Variants in VEZF1 observed in about 807,000 individuals in gnomAD.
VEZF1 encodes the protein vascular endothelial zinc finger 1.
In VEZF1, 5 loss-of-function variants were observed where a neutral mutation model predicts 44.1. The observed-to-expected ratio is 0.11, with a 90% CI of 0.06 to 0.24. The LOEUF (loss-of-function observed/expected upper bound fraction) is 0.24, where lower values mean the gene tolerates loss of function less well. Ranked by LOEUF, VEZF1 falls within the 10% of genes least tolerant of loss-of-function variation. The probability of loss-of-function intolerance (pLI) is 1.00; values close to 1 mark genes in which losing one functional copy is unlikely to be tolerated. For synonymous variants in VEZF1, 236 were observed against 233.1 expected (o/e 1.01, Z -0.11); for missense variants, 358 against 641.8 (o/e 0.56, Z 4.78).
rs11359148 is a variant in VEZF1 at position 57,979,970 on chromosome 17, C to CAAA, written c.976+630_976+632dup. Among the ~76,000 whole-genome samples the CAAA allele has an allele frequency of 2.1e-3, 144 of 68,208 alleles. 1 individual carries two copies. The highest frequency in any genetic ancestry group is 4.7e-3 in the East Asian group (8 of 1,694). 44.7% of individuals were successfully genotyped at this position (68,208 alleles called of 152,430 possible). A position where few individuals can be genotyped will look rare whatever the true frequency, so the allele number is the denominator to read the frequency against. Reference sequence around the variant, plus strand: ...GGGCAACAGTGTGAAGACTCCGTCTCAAAAAAAAAAAAAAAAAAAAACAAA... The same window carrying CAAA: ...GGGCAACAGTGTGAAGACTCCGTCTCAAAAAAAAAAAAAAAAAAAAAAAACAAA... On this transcript the variant is annotated intron_variant, in intron 4 of 5. Transcript: ENST00000581208.
chr17:57,988,054 GC>G (rs773335236), intron 1 of VEZF1, 24 bp downstream of exon 1: 24 of 303,552 alleles, frequency 7.9e-5, no homozygotes, highest in East Asian at 2.0e-4. Context: ...TCCCCCCCGT[GC>G]CCCCCCGGGG....
In VEZF1 at chr17:57,974,785, C is replaced by T. The variant is rs200725682; in HGVS notation, c.1254G>A (p.Val418=). 1.2e-6 allele frequency: 2 copies of T among 1,614,094 alleles called. No individual in the cohort carries two copies. Among genetic ancestry groups the T allele is most frequent in the African/African-American group, 1.3e-5 (1 of 75,006 alleles). Residue 418 remains valine, a synonymous_variant, in exon 6 of 6, where the codon GTG becomes GTA. Transcript: ENST00000581208. Reference sequence around the variant, plus strand: ...GACTTCTCATGCTCATTGCAGCTGCCACTGTGACTGGGTTTGACATAGTCC... The same window carrying T: ...GACTTCTCATGCTCATTGCAGCTGCTACTGTGACTGGGTTTGACATAGTCC... ...SSGTMSNPVT[V]AAAMSMRSPV... is the part of the protein sequence containing the mutation.
rs182457255 is a variant in VEZF1, at chr17:57,973,049, G to C, written c.*1424C>G. 1 of 151,994 alleles carries C rather than the reference G, an allele frequency of 6.6e-6. No individual in the cohort carries two copies. Among genetic ancestry groups the C allele is most frequent in the East Asian group, 1.9e-4 (1 of 5,182 alleles). The allele number at this position is 151,994 out of a possible 1,614,324, so 9.4% of individuals were successfully genotyped here. On this transcript the variant is annotated 3_prime_UTR_variant, in exon 6 of 6. Coordinates refer to ENST00000581208, the MANE Select transcript of VEZF1 (RefSeq NM_007146.3). The stretch of plus-strand genomic sequence containing the variant: ...AAATGAAAAAAACCAAAAACATATT[G>C]CAACTTAAAAAATCACAGCATCTTG...
intron 1 of VEZF1, among the ~76,000 whole-genome samples, chr17:57,987,733 CCCT>C (rs1217429575): frequency 6.6e-6 from 1 of 152,088 alleles, no homozygotes; most frequent in Non-Finnish European, 1.5e-5. Context: ...CGGCCCGGCG[CCCT>C]CCTTTCTCTG....
In VEZF1 at chr17:57,971,740, G is replaced by GT. The variant is rs749062200; in HGVS notation, c.*2732dup. The GT allele has an allele frequency of 1.3e-5, 2 of 152,632 alleles. No individual in the cohort carries two copies. Among genetic ancestry groups the GT allele is most frequent in the African/African-American group, 2.4e-5 (1 of 41,422 alleles). The allele number at this position is 152,632 out of a possible 1,614,324, so 9.5% of individuals were successfully genotyped here. On this transcript the variant is annotated 3_prime_UTR_variant, in exon 6 of 6. Transcript: ENST00000581208. ...CAGGCCAAGCAGCGAGCCCTAGAGC[G>GT]TAACAGGCTGGATGTCAGATTTAAG...
At chr17:57,977,140 G>A (rs985618357) in intron 5 of VEZF1, among the ~76,000 whole-genome samples, 1 of 151,786 alleles carries the variant, frequency 6.6e-6, no homozygotes, top group Admixed American at 6.6e-5. Context: ...TTTTGAGATG[G>A]GGGTCTCAAT....
intron 1 of VEZF1, among the ~76,000 whole-genome samples, chr17:57,987,078 A>G (rs1401206713): frequency 6.6e-6 from 1 of 152,258 alleles, no homozygotes; most frequent in East Asian, 1.9e-4. Context: ...AGAATTGCCA[A>G]AACACATCGG....
intron 5 of VEZF1, among the ~76,000 whole-genome samples, chr17:57,977,376 C>T (rs1286224684): frequency 6.6e-6 from 1 of 152,138 alleles, no homozygotes; most frequent in Non-Finnish European, 1.5e-5. Context: ...ATCCTCCCAC[C>T]TTGGCCTCCT....
At chr17:57,976,419 CAAA>C (rs966756709) in intron 5 of VEZF1, among the ~76,000 whole-genome samples, 2 of 149,644 alleles carry the variant, frequency 1.3e-5, no homozygotes, top group African/African-American at 5.0e-5. Context: ...AACAAACAAA[CAAA>C]AAAAACCCAA....
intron 1 of VEZF1, among the ~76,000 whole-genome samples, chr17:57,987,853 G>T (rs1254927812): frequency 6.6e-6 from 1 of 151,754 alleles, no homozygotes; most frequent in Non-Finnish European, 1.5e-5. Flanking sequence ...GGGGGCCCCC[G>T]GGTTCACCCC....
chr17:57,976,638 G>A (rs2075194159), intron 5 of VEZF1, among the ~76,000 whole-genome samples: 1 of 152,138 alleles, frequency 6.6e-6, no homozygotes, highest in African/African-American at 2.4e-5. Flanking sequence ...CCTCTAAAAT[G>A]TGACATTTAC....
Position 57,974,641 on chromosome 17 carries a change from G to A in VEZF1, c.1398C>T (p.Leu466=). Residue 466 remains leucine (L), a synonymous_variant, in exon 6 of 6, where the codon CTC becomes CTT. Coordinates refer to ENST00000581208, the MANE Select transcript of VEZF1 (RefSeq NM_007146.3). ...SPLTLTTPVN[L]PTPVTAPVNI... is the part of the protein sequence containing the mutation. ...TCACTGGGGCAGTGACGGGGGTGGG[G>A]AGGTTGACTGGGGTAGTGAGTGTTA... 6.2e-7 allele frequency: 1 copy of A among 1,614,138 alleles called. No homozygotes were observed. Among genetic ancestry groups the A allele is most frequent in the Non-Finnish European group, 8.5e-7 (1 of 1,180,030 alleles).
At position 57,983,047 on chromosome 17, in the gene VEZF1, G is replaced by A. The variant is rs1249438865; in HGVS notation, c.380C>T (p.Ser127Leu). ...STIAGDSSRT[S>L]LVSTIAGILS... ...GATGCCTGCAATGGTCGAGACCAAC[G>A]AAGTTCGGCTGCTGTCCCCAGCGAT... The change falls in exon 2 of 6, where the codon TCG becomes TTG. Residue 127 changes from serine (S) to leucine (L), a missense_variant. Ser to Leu is a moderately radical substitution (Grantham distance 145). Coordinates refer to ENST00000581208, the MANE Select transcript of VEZF1 (RefSeq NM_007146.3). The A allele has an allele frequency of 1.1e-5, 18 of 1,614,072 alleles. No individual in the cohort carries two copies. Among genetic ancestry groups the A allele is most frequent in the African/African-American group, 2.7e-5 (2 of 74,934 alleles).
chr17:57,974,050 G>A lies in VEZF1; in HGVS notation c.*423C>T, dbSNP rs912859678. The stretch of plus-strand genomic sequence containing the variant: ...AATTCTACACTAGCTCTCAATCTGT[G>A]GATTTAAAATTTCAGGTTAAAATCA... On this transcript the variant is annotated 3_prime_UTR_variant, in exon 6 of 6. Coordinates refer to ENST00000581208, the MANE Select transcript of VEZF1 (RefSeq NM_007146.3). 1.1e-5 allele frequency: 2 copies of A among 175,102 alleles called. No homozygotes were observed. The highest frequency in any genetic ancestry group is 1.1e-4 in the Admixed American group (2 of 18,504). The allele number at this position is 175,102 out of a possible 1,614,324, so 10.8% of individuals were successfully genotyped here.
chr17:57,984,297 C>G (rs1243490835), intron 1 of VEZF1, among the ~76,000 whole-genome samples: 1 of 152,174 alleles, frequency 6.6e-6, no homozygotes, highest in Non-Finnish European at 1.5e-5. Flanking sequence ...ATTCTTTTAG[C>G]CGCAATGAAA....
intron 5 of VEZF1, among the ~76,000 whole-genome samples, chr17:57,978,722 G>C (rs566969867): frequency 2.0e-5 from 3 of 151,864 alleles, no homozygotes; most frequent in African/African-American, 7.2e-5. Context: ...GAACACTACA[G>C]AGCAAAAATA....
chr17:57,980,480 T>C, intron 4 of VEZF1, 123 bp downstream of exon 4: 3 of 905,104 alleles, frequency 3.3e-6, no homozygotes, highest in Non-Finnish European at 5.2e-6. Flanking sequence ...GTTGCCTGTT[T>C]GCACATGTTG....
At chr17:57,975,636 C>G (rs1286304463) in intron 5 of VEZF1, among the ~76,000 whole-genome samples, 1 of 152,156 alleles carries the variant, frequency 6.6e-6, no homozygotes, top group African/African-American at 2.4e-5. Context: ...CTCCTCACTC[C>G]CATTTCTTCT....
At chr17:57,984,172 T>G (rs1428790280) in intron 1 of VEZF1, among the ~76,000 whole-genome samples, 1 of 152,174 alleles carries the variant, frequency 6.6e-6, no homozygotes, top group African/African-American at 2.4e-5. Flanking sequence ...CTATAAACAC[T>G]TAAATTCCTT....
Sources: allele counts gnomAD v4.1 joint callset (sites outside exome capture counted in the v4.1 genomes callset), GRCh38; gene constraint gnomAD v4.1.1; transcripts MANE v1.5; gene names NCBI Gene and HGNC (gene_info 2026-07-23, HGNC 2026-07-21).